The following SEMA6A variants were observed in gnomAD, a reference collection of about 807,000 sequenced individuals.
SEMA6A encodes semaphorin 6A, also known as semaphorin-6A.
In SEMA6A, 25 loss-of-function variants were observed where a neutral mutation model predicts 96.8. That is an observed-to-expected ratio of 0.26 (90% CI 0.19 to 0.36). The LOEUF is 0.36. Ranked by LOEUF, SEMA6A falls within the 10% of genes least tolerant of loss-of-function variation. The probability of loss-of-function intolerance (pLI) is 1.00; values close to 1 mark genes in which losing one functional copy is unlikely to be tolerated. For missense variants in SEMA6A, 1,363 were observed against 1,323.1 expected (o/e 1.03, Z -0.47); for synonymous variants, 612 against 518.0 (o/e 1.18, Z -2.46).
At position 116,497,830 on chromosome 5, in the gene SEMA6A, G is replaced by A. The variant is rs573431666; in HGVS notation, c.219-443C>T. Reference sequence around the variant, plus strand: ...GCTAACAAAAAAAATGATCTCCATCGCCCTCTCTCTTTTGAAAATATATTT... The same window carrying A: ...GCTAACAAAAAAAATGATCTCCATCACCCTCTCTCTTTTGAAAATATATTT... On this transcript the variant is annotated intron_variant, in intron 3 of 18. Coordinates refer to ENST00000343348, the MANE Select transcript of SEMA6A (RefSeq NM_020796.5). Among the ~76,000 whole-genome samples the A allele has an allele frequency of 1.6e-4, 25 of 152,244 alleles. No homozygotes were observed. The South Asian group carries it at 4.4e-3, about 27-fold the overall frequency.
chr5:116,504,773 T>C lies in SEMA6A; in HGVS notation c.100+72A>G, dbSNP rs554171424. ...CCTATTCTATTTCATTTTTCAGTTT[T>C]ATTTTTTGCTAGGCTGATTCAGGCT... On this transcript the variant is annotated intron_variant, in intron 2 of 18. Transcript: ENST00000343348. The C allele has an allele frequency of 5.7e-6, 7 of 1,219,064 alleles. No individual in the cohort carries two copies. In the South Asian group the frequency reaches 9.1e-5, roughly 16 times the overall value. 75.5% of individuals were successfully genotyped at this position (1,219,064 alleles called of 1,614,324 possible). A position where few individuals can be genotyped will look rare whatever the true frequency, so the allele number is the denominator to read the frequency against.
Position 116,544,376 on chromosome 5 carries a change from G to A in SEMA6A, c.-39+29809C>T, listed in dbSNP as rs115881010. 3.6e-3 allele frequency among the ~76,000 whole-genome samples: 554 copies of A among 152,066 alleles called. 4 individuals carry two copies. The highest frequency in any genetic ancestry group is 0.013 in the African/African-American group (546 of 41,474). ...CATGATCATGGTTCACTGCAGCCTC[G>A]ACATCCTGGGCTCAAGCAATCCTCC... On this transcript the variant is annotated intron_variant, in intron 1 of 18. Coordinates refer to ENST00000343348, the MANE Select transcript of SEMA6A (RefSeq NM_020796.5).
In SEMA6A at chr5:116,518,100, C is replaced by A. The variant is rs117493846; in HGVS notation, c.-38-13118G>T. ...ATGAATAACCCCAGAAGTTTAGGAACTAGTTACTAAAATTAAGAATTTGGA... is the reference window on the plus strand; with the variant it reads ...ATGAATAACCCCAGAAGTTTAGGAAATAGTTACTAAAATTAAGAATTTGGA... On this transcript the variant is annotated intron_variant, in intron 1 of 18. Transcript: ENST00000343348. Among the ~76,000 whole-genome samples, 529 of 152,254 alleles carry A rather than the reference C, an allele frequency of 3.5e-3. 21 individuals carry two copies. In the East Asian group the frequency reaches 0.09, roughly 26 times the overall value.
intron 8 of SEMA6A, among the ~76,000 whole-genome samples, chr5:116,488,666 T>C (rs1425795319): frequency 6.6e-6 from 1 of 152,230 alleles, no homozygotes; most frequent in Non-Finnish European, 1.5e-5. Context: ...TGTATTCTAT[T>C]GTTGTGGCAT....
At chr5:116,556,996 C>T (rs926716643) in intron 1 of SEMA6A, among the ~76,000 whole-genome samples, 13 of 152,180 alleles carry the variant, frequency 8.5e-5, no homozygotes, top group African/African-American at 3.1e-4. Flanking sequence ...CAAGAAAAAG[C>T]AGAGTTGGCA....
intron 10 of SEMA6A, 146 bp downstream of exon 10, chr5:116,486,603 T>G: frequency 1.6e-6 from 1 of 644,996 alleles, no homozygotes. Context: ...AATTTGTTGA[T>G]GAAAACTAAG....
chr5:116,467,283 GAAGAGTGGCAAGGGATGTCAGAAGCC>G (rs370090988), intron 18 of SEMA6A, among the ~76,000 whole-genome samples: 5,904 of 152,252 alleles, frequency 0.039, 147 homozygotes, highest in South Asian at 0.075. Flanking sequence ...ATGAGACTAA[GAAGAGTGGCAAGGGATGTCAGAAGCC>G]AGCATCTGCT....
chr5:116,525,162 G>T (rs948888313), intron 1 of SEMA6A, among the ~76,000 whole-genome samples: 1 of 152,122 alleles, frequency 6.6e-6, no homozygotes, highest in African/African-American at 2.4e-5. Flanking sequence ...CTGTGTGCCA[G>T]GCATGTTCCC....
At chr5:116,522,888 C>A (rs1023021818) in intron 1 of SEMA6A, among the ~76,000 whole-genome samples, 2 of 152,180 alleles carry the variant, frequency 1.3e-5, no homozygotes, top group Non-Finnish European at 2.9e-5. Context: ...ATTTTAAAAG[C>A]TGAATGAGTG....
At chr5:116,495,555 G>T in intron 5 of SEMA6A, 41 bp from the exon 6 acceptor site, 2 of 1,389,192 alleles carry the variant, frequency 1.4e-6, no homozygotes, top group Admixed American at 2.0e-5. Flanking sequence ...TGTCCATTCA[G>T]TACAGAAACT....
chr5:116,534,130 TC>T (rs1561522622), intron 1 of SEMA6A, among the ~76,000 whole-genome samples: 1 of 152,212 alleles, frequency 6.6e-6, no homozygotes, highest in Non-Finnish European at 1.5e-5. Context: ...ATCTTTTTCT[TC>T]CTTCTGTAAC....
At chr5:116,463,210 A>G (rs961687542) in intron 18 of SEMA6A, among the ~76,000 whole-genome samples, 48 of 152,194 alleles carry the variant, frequency 3.2e-4, no homozygotes, top group African/African-American at 1.1e-3. Context: ...AATCAAGAAG[A>G]TAACGCAGAA....
chr5:116,556,524 TTA>T (rs1453834570), intron 1 of SEMA6A, among the ~76,000 whole-genome samples: 5 of 152,186 alleles, frequency 3.3e-5, no homozygotes, highest in Admixed American at 1.3e-4. Flanking sequence ...CAGACTCCCT[TTA>T]TGAGGAAGGT....
chr5:116,548,541 A>C (rs959834157), intron 1 of SEMA6A, among the ~76,000 whole-genome samples: 7 of 152,198 alleles, frequency 4.6e-5, no homozygotes, highest in Non-Finnish European at 8.8e-5. Flanking sequence ...ATAATGCTGC[A>C]TACCACGGAA....
intron 1 of SEMA6A, among the ~76,000 whole-genome samples, chr5:116,549,281 T>A (rs1760307793): frequency 6.6e-6 from 1 of 152,140 alleles, no homozygotes; most frequent in Non-Finnish European, 1.5e-5. Flanking sequence ...GTTCCCCCAT[T>A]CCATACCCTC....
At chr5:116,522,577 A>C (rs1456810596) in intron 1 of SEMA6A, among the ~76,000 whole-genome samples, 1 of 152,222 alleles carries the variant, frequency 6.6e-6, no homozygotes, top group Non-Finnish European at 1.5e-5. Flanking sequence ...TGGCTAATTT[A>C]TTAGCTTTCA....
intron 2 of SEMA6A, 136 bp downstream of exon 2, chr5:116,504,709 A>G: frequency 1.6e-6 from 1 of 637,032 alleles, no homozygotes; most frequent in Non-Finnish European, 2.8e-6. Context: ...CTAGACTTGA[A>G]TTAGCCACCT....
intron 18 of SEMA6A, among the ~76,000 whole-genome samples, chr5:116,466,663 T>C (rs1406789428): frequency 6.6e-6 from 1 of 152,222 alleles, no homozygotes; most frequent in Admixed American, 6.5e-5. Context: ...CAATAGCGAC[T>C]GTCTTCCAAG....
chr5:116,521,674 TGA>T (rs374367186), intron 1 of SEMA6A, among the ~76,000 whole-genome samples: 2,346 of 152,272 alleles, frequency 0.015, 25 homozygotes, highest in Admixed American at 0.027. Flanking sequence ...GGGGAAGGTA[TGA>T]GAGAGAGTAC....
Sources: allele counts gnomAD v4.1 joint callset (sites outside exome capture counted in the v4.1 genomes callset), GRCh38; gene constraint gnomAD v4.1.1; transcripts MANE v1.5; gene names NCBI Gene and HGNC (gene_info 2026-07-23, HGNC 2026-07-21).